The following PLAC1 variants were observed in gnomAD, a reference collection of about 807,000 sequenced individuals.
The protein encoded by PLAC1 is placenta-specific protein 1.
For missense variants in PLAC1, 136 were observed against 163.2 expected (o/e 0.83, Z 0.91); for synonymous variants, 68 against 62.1 (o/e 1.09, Z -0.44).
Position 134,566,199 on chromosome X carries a change from C to T in PLAC1, c.484G>A (p.Asp162Asn), listed in dbSNP as rs200146015. The T allele has an allele frequency of 9.9e-6, 12 of 1,209,962 alleles. No homozygotes were observed. The highest frequency in any genetic ancestry group is 1.8e-5 in the South Asian group (1 of 56,831). The part of the protein sequence containing the change: ...LSQSSQRPNC[D>N]CPPCVFSEEE... ...TCACTGAAGACACAAGGTGGACAAT[C>T]GCAGTTGGGCCTTTGACTGGACTGT... The change falls in exon 3 of 3, where the codon GAT (aspartate) becomes AAT (asparagine). Residue 162 changes from aspartate to asparagine, a missense_variant. Asp to Asn is a conservative substitution (Grantham distance 23, BLOSUM62 1). Coordinates refer to ENST00000359237, the MANE Select transcript of PLAC1 (RefSeq NM_021796.4).
intron 2 of PLAC1, among the ~76,000 whole-genome samples, chrX:134,577,405 T>C (rs2077944984): frequency 9.0e-6 from 1 of 111,730 alleles, no homozygotes. Flanking sequence ...TAGATGATCT[T>C]TGGCCGGGTG....
chrX:134,685,343 A>T (rs1297018481), intron 2 of PLAC1, among the ~76,000 whole-genome samples: 1 of 109,675 alleles, frequency 9.1e-6, no homozygotes, highest in East Asian at 2.9e-4. Context: ...TCTACTGCTT[A>T]GGTTAGCTCC....
At chrX:134,720,462 CTT>C (rs560761685) in intron 2 of PLAC1, among the ~76,000 whole-genome samples, 4 of 97,072 alleles carry the variant, frequency 4.1e-5, no homozygotes, top group African/African-American at 1.1e-4. Context: ...TCTCAGCTGG[CTT>C]TTTTTTTTTT....
intron 1 of PLAC1, among the ~76,000 whole-genome samples, chrX:134,737,962 G>C (rs1382508992): frequency 9.0e-6 from 1 of 111,716 alleles, no homozygotes; most frequent in Non-Finnish European, 1.9e-5. Context: ...CGAGGCTGAT[G>C]CAATCACAGA....
intron 1 of PLAC1, among the ~76,000 whole-genome samples, chrX:134,625,505 G>T (rs753536020): frequency 2.6e-4 from 29 of 112,145 alleles, no homozygotes; most frequent in Non-Finnish European, 4.9e-4. Context: ...TCCACCCAAA[G>T]TTGCGTATTT....
chrX:134,607,614 G>A (rs1353269537), intron 1 of PLAC1: 8 of 140,310 alleles, frequency 5.7e-5, no homozygotes, highest in Non-Finnish European at 1.2e-4. Context: ...AACCTACTCC[G>A]CATGAATTCA....
At chrX:134,679,179 A>C (rs1237784536) in intron 2 of PLAC1, among the ~76,000 whole-genome samples, 1 of 112,088 alleles carries the variant, frequency 8.9e-6, no homozygotes, top group Non-Finnish European at 1.9e-5. Context: ...CTAGGTGTGC[A>C]ATATTGTCTA....
intron 2 of PLAC1, among the ~76,000 whole-genome samples, chrX:134,586,136 C>G (rs2077998940): frequency 1.8e-5 from 2 of 111,860 alleles, no homozygotes; most frequent in Middle Eastern, 4.6e-3. Context: ...TTCTTCCTGA[C>G]TGTAAATCCT....
intron 1 of PLAC1, among the ~76,000 whole-genome samples, chrX:134,656,670 G>A (rs1402946872): frequency 9.0e-6 from 1 of 111,221 alleles, no homozygotes; most frequent in East Asian, 2.8e-4. Context: ...CTGCAGCTTC[G>A]ATCTCCTGGG....
chrX:134,633,017 A>G (rs187186735), intron 1 of PLAC1, among the ~76,000 whole-genome samples: 2 of 112,071 alleles, frequency 1.8e-5, no homozygotes, highest in Non-Finnish European at 3.8e-5. Flanking sequence ...TATTCAACAT[A>G]CATCTACTCT....
chrX:134,651,476 A>G (rs1350720791), intron 1 of PLAC1: 1 of 120,643 alleles, frequency 8.3e-6, no homozygotes, highest in Non-Finnish European at 1.7e-5. Context: ...AAAAACAACA[A>G]AAAAATGAAA....
chrX:134,568,224 T>C (rs1050516933), intron 2 of PLAC1, among the ~76,000 whole-genome samples: 1 of 112,975 alleles, frequency 8.9e-6, no homozygotes, highest in African/African-American at 3.2e-5. Flanking sequence ...TTTTGTTCCC[T>C]GCTGAGATAA....
At chrX:134,644,938 G>A (rs192159767) in intron 1 of PLAC1, among the ~76,000 whole-genome samples, 9 of 111,416 alleles carry the variant, frequency 8.1e-5, no homozygotes, top group African/African-American at 2.6e-4. Flanking sequence ...AATCCTATTC[G>A]AAGACTACTA....
chrX:134,644,302 C>G (rs2078321116), intron 1 of PLAC1, among the ~76,000 whole-genome samples: 1 of 111,253 alleles, frequency 9.0e-6, no homozygotes. Context: ...GAAGGAAATT[C>G]TTCTCTCTAG....
chrX:134,703,416 A>G (rs761308879), intron 2 of PLAC1, among the ~76,000 whole-genome samples: 2 of 111,935 alleles, frequency 1.8e-5, no homozygotes, highest in East Asian at 5.6e-4. Flanking sequence ...GAGGGAAAAT[A>G]CCCATTAACT....
At chrX:134,609,809 C>G (rs1283482996) in intron 1 of PLAC1, among the ~76,000 whole-genome samples, 1 of 111,325 alleles carries the variant, frequency 9.0e-6, no homozygotes, top group Admixed American at 9.6e-5. Flanking sequence ...AATCCCAACA[C>G]GGGGAACCCA....
chrX:134,684,431 A>C (rs968966323), intron 2 of PLAC1, among the ~76,000 whole-genome samples: 3 of 88,883 alleles, frequency 3.4e-5, no homozygotes, highest in Non-Finnish European at 6.9e-5. Flanking sequence ...AAAAAAAAAA[A>C]AACACTCTAG....
At chrX:134,741,179 G>A (rs770351829) in intron 1 of PLAC1, among the ~76,000 whole-genome samples, 3 of 111,942 alleles carry the variant, frequency 2.7e-5, no homozygotes, top group African/African-American at 9.7e-5. Flanking sequence ...CTATAATCCG[G>A]TTTCCAATTA....
At chrX:134,649,155 C>T (rs1361196268) in intron 1 of PLAC1, among the ~76,000 whole-genome samples, 5 of 106,836 alleles carry the variant, frequency 4.7e-5, no homozygotes, top group African/African-American at 1.7e-4. Context: ...GTAATCCCAG[C>T]TACTCAGGAG....
Sources: allele counts gnomAD v4.1 joint callset (sites outside exome capture counted in the v4.1 genomes callset), GRCh38; gene constraint gnomAD v4.1.1; transcripts MANE v1.5; gene names NCBI Gene and HGNC (gene_info 2026-07-23, HGNC 2026-07-21).